PHACTR1: variants seen among roughly 807,000 people sequenced by gnomAD.
The protein encoded by PHACTR1 is phosphatase and actin regulator 1.
PHACTR1 carries 16 observed loss-of-function variants against 69.2 expected under a neutral mutation model. The ratio of observed to expected loss-of-function variants is 0.23; its 90% CI spans 0.16 to 0.35. The LOEUF is 0.35. PHACTR1 is among the 10% of genes least tolerant of loss of function. PHACTR1 has a pLI of 1.00. For missense variants in PHACTR1, 510 were observed against 734.7 expected (o/e 0.69, Z 3.54); for synonymous variants, 312 against 284.5 (o/e 1.10, Z -0.97).
chr6:13,283,220 C>G lies in PHACTR1; in HGVS notation c.1510-202C>G. The G allele has an allele frequency of 1.8e-6, 1 of 565,962 alleles. No individual in the cohort carries two copies. The highest frequency in any genetic ancestry group is 2.0e-5 in the African/African-American group (1 of 50,326). The allele number at this position is 565,962 out of a possible 1,614,324, so 35.1% of individuals were successfully genotyped here. A position where few individuals can be genotyped will look rare whatever the true frequency, so the allele number is the denominator to read the frequency against. ...GGATAACAAAGCTCTCTCTTAGGAC[C>G]TAGAAACGTCCCACTCCCAAGAGTC... On this transcript the variant is annotated intron_variant, in intron 12 of 14. Coordinates refer to ENST00000332995, the MANE Select transcript of PHACTR1 (RefSeq NM_030948.6). This position sits in a 1 kb window ranked among gnomAD's most constrained non-coding sequence, Gnocchi z 4.7.
In PHACTR1 at chr6:13,264,306, A is replaced by G. The variant is rs146887923; in HGVS notation, c.1392-8554A>G. 2.6e-5 allele frequency among the ~76,000 whole-genome samples: 4 copies of G among 152,266 alleles called. No individual in the cohort carries two copies. The East Asian group carries it at 5.8e-4, about 22-fold the overall frequency. On this transcript the variant is annotated intron_variant, in intron 10 of 14. Coordinates refer to ENST00000332995, the MANE Select transcript of PHACTR1 (RefSeq NM_030948.6). ...GGATCCCAAGCCCTCCTACCTTCTCAGGACTCATGCACTACCAATTGGGCC... is the reference window on the plus strand; with the variant it reads ...GGATCCCAAGCCCTCCTACCTTCTCGGGACTCATGCACTACCAATTGGGCC...
intron 6 of PHACTR1, among the ~76,000 whole-genome samples, chr6:13,170,958 C>T (rs1332050104): frequency 6.6e-6 from 1 of 152,194 alleles, no homozygotes; most frequent in African/African-American, 2.4e-5. Flanking sequence ...ATGATGAACT[C>T]TTCAACTCCA....
At chr6:12,717,203 T>A (rs1761490433) in intron 1 of PHACTR1, among the ~76,000 whole-genome samples, 1 of 152,166 alleles carries the variant, frequency 6.6e-6, no homozygotes, top group Non-Finnish European at 1.5e-5. Flanking sequence ...TCCCTGCCAC[T>A]CTTAGGCCAG....
intron 4 of PHACTR1, among the ~76,000 whole-genome samples, chr6:12,998,623 AAAAAG>A (rs1797715363): frequency 6.6e-6 from 1 of 151,730 alleles, no homozygotes; most frequent in Admixed American, 6.6e-5. Context: ...CAAAAAAAAA[AAAAAG>A]AAAAGAAAAA....
At chr6:12,740,304 G>A (rs1184445899) in intron 3 of PHACTR1, among the ~76,000 whole-genome samples, 1 of 152,058 alleles carries the variant, frequency 6.6e-6, no homozygotes, top group Non-Finnish European at 1.5e-5. Flanking sequence ...GGTCTAGTAT[G>A]TTTACCCATG....
chr6:13,095,195 G>A (rs1262649649), intron 5 of PHACTR1, among the ~76,000 whole-genome samples: 1 of 152,206 alleles, frequency 6.6e-6, no homozygotes, highest in East Asian at 1.9e-4. Context: ...CCTAATCTGT[G>A]GTGTTTTCTT....
At chr6:13,060,528 G>A (rs946157846) in intron 5 of PHACTR1, among the ~76,000 whole-genome samples, 3 of 152,112 alleles carry the variant, frequency 2.0e-5, no homozygotes, top group African/African-American at 7.2e-5. Flanking sequence ...ATAGGGGAAG[G>A]GTGCTGAGAA....
At chr6:13,268,526 G>A (rs767679553) in intron 10 of PHACTR1, among the ~76,000 whole-genome samples, 5 of 152,210 alleles carry the variant, frequency 3.3e-5, no homozygotes, top group Admixed American at 6.5e-5. Flanking sequence ...ACTAACATAT[G>A]TACAGTGCTT....
chr6:12,772,133 A>C (rs896038839), intron 4 of PHACTR1, among the ~76,000 whole-genome samples: 1 of 152,186 alleles, frequency 6.6e-6, no homozygotes, highest in African/African-American at 2.4e-5. Flanking sequence ...AGTTAGAGGG[A>C]GACAGATGTC....
intron 6 of PHACTR1, among the ~76,000 whole-genome samples, chr6:13,173,071 G>A (rs1760830671): frequency 6.6e-6 from 1 of 152,212 alleles, no homozygotes; most frequent in African/African-American, 2.4e-5. Flanking sequence ...ACAGTCCCCT[G>A]TAGTGTCTGC....
At chr6:13,069,907 C>A (rs932536447) in intron 5 of PHACTR1, among the ~76,000 whole-genome samples, 3 of 152,110 alleles carry the variant, frequency 2.0e-5, no homozygotes, top group Admixed American at 6.6e-5. Flanking sequence ...TTAGAAATGA[C>A]CAAGTTGGAA....
In PHACTR1 at chr6:13,093,808, T is replaced by C. The variant is rs191633230; in HGVS notation, c.415+40279T>C. 1.1e-3 allele frequency among the ~76,000 whole-genome samples: 172 copies of C among 152,310 alleles called. 1 individual carries two copies. The Middle Eastern group carries it at 0.027, about 24-fold the overall frequency. On this transcript the variant is annotated intron_variant, in intron 5 of 14. Coordinates refer to ENST00000332995, the MANE Select transcript of PHACTR1 (RefSeq NM_030948.6). ...AAGTTAAAGTAGTCCAGTAAGTAGA[T>C]AGCCTTGAATGCTGGACAGAATCTG...
chr6:13,147,539 G>A (rs1823594437), intron 5 of PHACTR1, among the ~76,000 whole-genome samples: 1 of 152,180 alleles, frequency 6.6e-6, no homozygotes, highest in African/African-American at 2.4e-5. Context: ...GCTCTCTGGA[G>A]ACTTGGAAAG....
chr6:12,818,589 A>G (rs1775854340), intron 4 of PHACTR1, among the ~76,000 whole-genome samples: 1 of 152,260 alleles, frequency 6.6e-6, no homozygotes, highest in Non-Finnish European at 1.5e-5. Context: ...CAGATTCTAC[A>G]GTATGAGGAG....
At position 13,283,709 on chromosome 6, in the gene PHACTR1, C is replaced by T; in HGVS notation, c.1650+147C>T. The T allele has an allele frequency of 8.7e-7, 1 of 1,154,950 alleles. No homozygotes were observed. Among genetic ancestry groups the T allele is most frequent in the Non-Finnish European group, 1.2e-6 (1 of 800,150 alleles). The allele number at this position is 1,154,950 out of a possible 1,614,324, so 71.5% of individuals were successfully genotyped here. ...GAGTGTTGAGACCCCAACACCTTTC[C>T]CCAGGGGCCACAGATAATCTGCGGA... On this transcript the variant is annotated intron_variant, in intron 13 of 14. Coordinates refer to ENST00000332995, the MANE Select transcript of PHACTR1 (RefSeq NM_030948.6). The surrounding 1 kb of genome is among the most constrained non-coding windows in gnomAD (Gnocchi z 4.7).
intron 7 of PHACTR1, among the ~76,000 whole-genome samples, chr6:13,197,166 A>G (rs1302502142): frequency 6.6e-6 from 1 of 152,228 alleles, no homozygotes; most frequent in Non-Finnish European, 1.5e-5. Context: ...AATCAAGACT[A>G]CATTTGCTGA....
Position 13,227,356 on chromosome 6 carries a change from TC to T in PHACTR1, c.987-459del, listed in dbSNP as rs1341283810. 2.6e-5 allele frequency among the ~76,000 whole-genome samples: 4 copies of T among 152,214 alleles called. No homozygotes were observed. In the South Asian group the frequency reaches 6.2e-4, roughly 24 times the overall value. On this transcript the variant is annotated intron_variant, in intron 8 of 14. Transcript: ENST00000332995. ...ACTAGAACCTCAATTATTATCTTTC[TC>T]TCCTGAATCTGTAGCTTCACTATCA...
At chr6:12,736,316 G>A (rs762781543) in intron 3 of PHACTR1, among the ~76,000 whole-genome samples, 1 of 152,156 alleles carries the variant, frequency 6.6e-6, no homozygotes, top group Non-Finnish European at 1.5e-5. Context: ...AATTAGTGAT[G>A]TTGTACTGGG....
chr6:13,283,513 A>G lies in PHACTR1; in HGVS notation c.1601A>G (p.Tyr534Cys). ...DYVEVADAQDYDRRADKPWTR... is the reference protein window; with the variant it reads ...DYVEVADAQDCDRRADKPWTR... ...GTGGAGGTGGCTGACGCTCAGGACTATGACCGCAGGGCAGATAAGCCGTGG... is the reference window on the plus strand; with the variant it reads ...GTGGAGGTGGCTGACGCTCAGGACTGTGACCGCAGGGCAGATAAGCCGTGG... Residue 534 changes from tyrosine to cysteine, a missense_variant, in exon 13 of 15, where the codon TAT becomes TGT. This residue lies in a region of PHACTR1 where 91 missense variants were observed against 203.8 expected (regional missense o/e 0.45). Transcript: ENST00000332995. This position sits in a 1 kb window ranked among gnomAD's most constrained non-coding sequence, Gnocchi z 4.7. The G allele has an allele frequency of 1.2e-6, 2 of 1,613,892 alleles. No homozygotes were observed. The highest frequency in any genetic ancestry group is 1.7e-6 in the Non-Finnish European group (2 of 1,179,874).
Sources: gnomAD v4.1 joint callset for allele counts (sites outside exome capture counted in the v4.1 genomes callset) on GRCh38, gnomAD v4.1.1 for gene constraint, gnomAD v4.1.1 regional missense constraint, Gnocchi (gnomAD v3.1) non-coding constraint, MANE v1.5 for transcripts, NCBI Gene and HGNC (gene_info 2026-07-23, HGNC 2026-07-21) for gene names.